CLASP1: variants seen among roughly 807,000 people sequenced by gnomAD.
The protein encoded by CLASP1 is CLIP-associating protein 1.
CLASP1 carries 38 observed loss-of-function variants against 192.3 expected under a neutral mutation model. That is an observed-to-expected ratio of 0.20 (90% CI 0.15 to 0.26). The LOEUF is 0.26. CLASP1 is among the 10% of genes least tolerant of loss of function. The pLI is 1.00. For missense variants in CLASP1, 1,433 were observed against 1,932.5 expected, an observed-to-expected ratio of 0.74 and a Z score of 4.85; for synonymous variants, 691 against 712.8, an observed-to-expected ratio of 0.97 and a Z score of 0.49.
intron 1 of CLASP1, among the ~76,000 whole-genome samples, chr2:121,614,848 G>A (rs976367280): frequency 6.6e-6 from 1 of 152,120 alleles, no homozygotes; most frequent in Non-Finnish European, 1.5e-5. Context: ...CAATGTCGGA[G>A]GTCAACACAA....
Position 121,373,143 on chromosome 2 carries a change from T to C in CLASP1, c.3642+4356A>G, listed in dbSNP as rs1275786241. ...AGGTAATTCGATCACGGGGGTGGAA[T>C]TCCCCCTTGCTGTTCTCATGATAGT... On this transcript the variant is annotated intron_variant, in intron 34 of 39. Transcript: ENST00000263710. Among the ~76,000 whole-genome samples, 8 of 152,212 alleles carry C rather than the reference T, an allele frequency of 5.3e-5. 1 individual carries two copies. The highest frequency in any genetic ancestry group is 3.3e-4 in the Admixed American group (5 of 15,288).
intron 6 of CLASP1, 68 bp from the exon 7 acceptor site, chr2:121,515,830 A>G: frequency 2.4e-6 from 3 of 1,272,144 alleles, no homozygotes; most frequent in Non-Finnish European, 3.4e-6. Flanking sequence ...CTGGGACACA[A>G]CAGGCCATAT....
rs989032372 is a variant in CLASP1, at chr2:121,430,199, G to C, written c.1913-22C>G. The C allele has an allele frequency of 2.6e-6, 4 of 1,532,964 alleles. No individual in the cohort carries two copies. The Admixed American group carries it at 7.8e-5, about 30-fold the overall frequency. The allele number at this position is 1,532,964 out of a possible 1,614,324, so 95.0% of individuals were successfully genotyped here. A position where few individuals can be genotyped will look rare whatever the true frequency, so the allele number is the denominator to read the frequency against. The stretch of plus-strand genomic sequence containing the variant: ...CGACCTGGAGGACACAGCAAAAACA[G>C]TGTTTCACAACATTTCCAGTAAGTG... On this transcript the variant is annotated intron_variant, in intron 19 of 39. Coordinates refer to ENST00000263710, the Ensembl canonical transcript of CLASP1.
At chr2:121,367,728 T>C in exon 35 of CLASP1, 1 of 1,613,942 alleles carries the variant, frequency 6.2e-7, no homozygotes, top group East Asian at 2.2e-5. Flanking sequence ...AGGCTGGGTG[T>C]TGAGTAGTGA....
intron 1 of CLASP1, among the ~76,000 whole-genome samples, chr2:121,648,378 AT>A (rs2073570556): frequency 6.6e-6 from 1 of 152,156 alleles, no homozygotes; most frequent in Non-Finnish European, 1.5e-5. Context: ...TGAAAGTATC[AT>A]GTTTAAAGAG....
chr2:121,429,960 C>CA (rs1472498188), intron 20 of CLASP1, 113 bp downstream of exon 20: 12 of 775,666 alleles, frequency 1.5e-5, no homozygotes, highest in Non-Finnish European at 2.5e-5. Context: ...CTCAGAGCCA[C>CA]AAAAAATGTG....
intron 2 of CLASP1, among the ~76,000 whole-genome samples, chr2:121,557,298 T>A (rs2058652954): frequency 6.6e-6 from 1 of 152,186 alleles, no homozygotes; most frequent in Non-Finnish European, 1.5e-5. Context: ...AGAATATCTA[T>A]TATGTGGCCA....
At chr2:121,432,754 G>A (rs201772403) in intron 19 of CLASP1, among the ~76,000 whole-genome samples, 5 of 151,906 alleles carry the variant, frequency 3.3e-5, no homozygotes, top group East Asian at 1.9e-4. Context: ...TTCTTGGCAG[G>A]TAAGAATGGA....
intron 2 of CLASP1, among the ~76,000 whole-genome samples, chr2:121,603,469 AC>A (rs2064041326): frequency 6.6e-6 from 1 of 152,202 alleles, no homozygotes; most frequent in South Asian, 2.1e-4. Context: ...ACTCTTATAC[AC>A]TGCTGGTGGG....
exon 22 of CLASP1, chr2:121,425,238 A>C: frequency 6.2e-7 from 1 of 1,613,594 alleles, no homozygotes; most frequent in Non-Finnish European, 8.5e-7. Context: ...GGGCCTCGTG[A>C]GGAGCCCCCA....
At chr2:121,497,205 T>C (rs2093569647) in intron 8 of CLASP1, among the ~76,000 whole-genome samples, 1 of 152,216 alleles carries the variant, frequency 6.6e-6, no homozygotes, top group South Asian at 2.1e-4. Context: ...AATATTTGAG[T>C]TAAACTCCAT....
chr2:121,361,525 G>A (rs764790030), intron 37 of CLASP1, among the ~76,000 whole-genome samples: 18 of 152,252 alleles, frequency 1.2e-4, no homozygotes, highest in South Asian at 2.1e-4. Context: ...TGTCCAACCC[G>A]TGGCCCAGGA....
chr2:121,531,310 T>C (rs2094863179), intron 2 of CLASP1, among the ~76,000 whole-genome samples: 4 of 152,156 alleles, frequency 2.6e-5, no homozygotes, highest in Admixed American at 2.0e-4. Flanking sequence ...TAAAATGTAA[T>C]CCAGGTCGGG....
chr2:121,483,509 T>C (rs958063673), intron 8 of CLASP1, among the ~76,000 whole-genome samples: 2 of 151,858 alleles, frequency 1.3e-5, no homozygotes, highest in East Asian at 3.9e-4. Flanking sequence ...TATATATATG[T>C]ATGTATATAT....
intron 16 of CLASP1, 94 bp from the exon 17 acceptor site, chr2:121,449,214 T>C (rs1255342702): frequency 8.9e-7 from 1 of 1,118,306 alleles, no homozygotes; most frequent in Non-Finnish European, 1.3e-6. Flanking sequence ...TTTCAAGGAC[T>C]GGAAGCCTCA....
chr2:121,543,726 T>C lies in CLASP1; in HGVS notation c.196-13401A>G, dbSNP rs578145154. On this transcript the variant is annotated intron_variant, in intron 2 of 39. Transcript: ENST00000263710. The stretch of plus-strand genomic sequence containing the variant: ...TAATTTCTCTAAACCCCAATCTGAA[T>C]AGTACTTTTTTCTATCTCCTTTATA... 6.6e-5 allele frequency among the ~76,000 whole-genome samples: 10 copies of C among 152,224 alleles called. No individual in the cohort carries two copies. In the East Asian group the frequency reaches 1.9e-3, roughly 29 times the overall value.
intron 8 of CLASP1, among the ~76,000 whole-genome samples, chr2:121,500,397 AAAAGAAAG>A (rs879893741): frequency 2.3e-5 from 3 of 132,130 alleles, no homozygotes; most frequent in Non-Finnish European, 5.0e-5. Context: ...AGAAAGAAAG[AAAAGAAAG>A]AAAGAAAGAA....
chr2:121,515,910 A>G (rs1197517814), intron 6 of CLASP1, 148 bp from the exon 7 acceptor site: 1 of 658,512 alleles, frequency 1.5e-6, no homozygotes, highest in Non-Finnish European at 2.7e-6. Flanking sequence ...TTGTCTAGAG[A>G]AAGCCATGTT....
chr2:121,637,547 G>A (rs1206283876), intron 1 of CLASP1, among the ~76,000 whole-genome samples: 1 of 152,064 alleles, frequency 6.6e-6, no homozygotes, highest in Non-Finnish European at 1.5e-5. Context: ...CTTTGAATTT[G>A]GCAACAAATT....
Sources: allele counts gnomAD v4.1 joint callset (sites outside exome capture counted in the v4.1 genomes callset), GRCh38; gene constraint gnomAD v4.1.1; transcripts MANE v1.5; gene names NCBI Gene and HGNC (gene_info 2026-07-23, HGNC 2026-07-21).